WDR72: variants seen among roughly 807,000 people sequenced by gnomAD.
WDR72 encodes the protein WD repeat domain 72, also known as WD repeat-containing protein 72.
A neutral mutation model predicts 124.2 loss-of-function variants in WDR72; 120 were observed. The observed-to-expected ratio is 0.97, with a 90% CI of 0.83 to 1.12. WDR72 has a LOEUF of 1.12. WDR72 is among the 50% of genes most tolerant of loss of function. WDR72 has a pLI of 0.00. For synonymous variants in WDR72, 452 were observed against 441.7 expected (o/e 1.02, Z -0.29); for missense variants, 1,387 against 1,278.8 (o/e 1.08, Z -1.29).
intron 14 of WDR72, among the ~76,000 whole-genome samples, chr15:53,640,434 G>C (rs1478544043): frequency 6.6e-6 from 1 of 152,034 alleles, no homozygotes; most frequent in African/African-American, 2.4e-5. Context: ...TAGAATTTGG[G>C]GTAATTTGGA....
At chr15:53,607,758 T>C (rs1003687551) in intron 17 of WDR72, among the ~76,000 whole-genome samples, 1 of 152,040 alleles carries the variant, frequency 6.6e-6, no homozygotes, top group Non-Finnish European at 1.5e-5. Context: ...AAACTACCCA[T>C]CTGACAAGGG....
rs546210576 is a variant in WDR72, at chr15:53,538,915, A to T, written c.3149-15593T>A. Among the ~76,000 whole-genome samples the T allele has an allele frequency of 3.3e-5, 5 of 152,280 alleles. No homozygotes were observed. In the East Asian group the frequency reaches 9.7e-4, roughly 29 times the overall value. On this transcript the variant is annotated intron_variant, in intron 18 of 19. Coordinates refer to ENST00000360509, the MANE Select transcript of WDR72 (RefSeq NM_182758.4). The stretch of plus-strand genomic sequence containing the variant: ...TAGTGCCTTGCTTTTGGTCTTTACA[A>T]CACATACTCCATGAAACTCATTAAT...
intron 13 of WDR72, among the ~76,000 whole-genome samples, chr15:53,685,447 A>C (rs2016584565): frequency 7.3e-6 from 1 of 136,094 alleles, no homozygotes; most frequent in Non-Finnish European, 1.6e-5. Flanking sequence ...GATCAACTGG[A>C]AGAAAGGGTA....
At chr15:53,575,026 C>CAT (rs1041768951) in intron 18 of WDR72, among the ~76,000 whole-genome samples, 58 of 151,730 alleles carry the variant, frequency 3.8e-4, no homozygotes, top group Non-Finnish European at 6.0e-4. Flanking sequence ...CACACACACA[C>CAT]ACACACACAC....
chr15:53,728,448 T>C (rs1210478733), intron 2 of WDR72, among the ~76,000 whole-genome samples: 2 of 152,058 alleles, frequency 1.3e-5, no homozygotes, highest in Admixed American at 6.6e-5. Context: ...AAAAACACAA[T>C]CACAGAGTAG....
chr15:53,714,314 T>A, intron 6 of WDR72, 120 bp downstream of exon 6: 2 of 834,028 alleles, frequency 2.4e-6, no homozygotes, highest in Non-Finnish European at 4.0e-6. Flanking sequence ...GAAGTAGAAT[T>A]TATACACTTC....
chr15:53,604,242 A>C (rs1413019522), intron 17 of WDR72, among the ~76,000 whole-genome samples: 1 of 152,210 alleles, frequency 6.6e-6, no homozygotes, highest in Non-Finnish European at 1.5e-5. Context: ...AGGATTCCTT[A>C]CTTAATAAAT....
chr15:53,677,229 T>C (rs546119748), intron 13 of WDR72, among the ~76,000 whole-genome samples: 1 of 152,312 alleles, frequency 6.6e-6, no homozygotes, highest in African/African-American at 2.4e-5. Flanking sequence ...CAATTCTTGC[T>C]TCTTAAACAT....
intron 14 of WDR72, among the ~76,000 whole-genome samples, chr15:53,642,639 A>T (rs2014896648): frequency 6.6e-6 from 1 of 152,052 alleles, no homozygotes; most frequent in East Asian, 1.9e-4. Flanking sequence ...GATACATGAA[A>T]ACTGATACTG....
intron 14 of WDR72, among the ~76,000 whole-genome samples, chr15:53,630,391 C>T (rs1285734215): frequency 6.6e-6 from 1 of 152,100 alleles, no homozygotes; most frequent in Admixed American, 6.6e-5. Context: ...ATACTGAAAC[C>T]AGACAGAGAT....
intron 14 of WDR72, among the ~76,000 whole-genome samples, chr15:53,622,348 T>C (rs922830088): frequency 2.6e-5 from 4 of 151,964 alleles, no homozygotes; most frequent in Non-Finnish European, 5.9e-5. Flanking sequence ...GCAGCACTAG[T>C]CACAATAGCA....
At position 53,615,851 on chromosome 15, in the gene WDR72, T is replaced by A; in HGVS notation, c.2355A>T (p.Lys785Asn). 1 of 1,613,672 alleles carries A rather than the reference T, an allele frequency of 6.2e-7. No individual in the cohort carries two copies. Among genetic ancestry groups the A allele is most frequent in the African/African-American group, 1.3e-5 (1 of 75,012 alleles). The stretch of plus-strand genomic sequence containing the variant: ...TGTCTATTGTGAGACTGGCATCTAC[T>A]TTTCTTGATGGCTTAGGCTGCATTT... The part of the protein sequence containing the change: ...SKKMQPKPSR[K>N]VDASLTIDTA... The change falls in exon 15 of 20, where the codon AAA (lysine) becomes AAT (asparagine). Residue 785 changes from lysine (K) to asparagine (N), a missense_variant. Lys to Asn is a moderately conservative substitution (Grantham distance 94). Transcript: ENST00000360509.
chr15:53,758,114 A>T (rs76535877), intron 1 of WDR72, among the ~76,000 whole-genome samples: 47,171 of 151,560 alleles, frequency 0.31, 7,808 homozygotes, highest in East Asian at 0.46. Context: ...CAAGTCATCC[A>T]ACTCCCTCAG....
chr15:53,589,385 T>C (rs2012382484), intron 18 of WDR72, among the ~76,000 whole-genome samples: 1 of 151,910 alleles, frequency 6.6e-6, no homozygotes, highest in African/African-American at 2.4e-5. Context: ...TTTTACTAAT[T>C]AGGAATTGGC....
intron 8 of WDR72, 146 bp downstream of exon 8, chr15:53,711,190 C>T (rs1328639497): frequency 1.7e-6 from 2 of 1,188,326 alleles, no homozygotes; most frequent in Admixed American, 1.9e-5. Context: ...CTGAAGCCTA[C>T]CAAGCCCAGA....
chr15:53,658,296 A>T (rs555924831), intron 14 of WDR72, among the ~76,000 whole-genome samples: 1 of 152,298 alleles, frequency 6.6e-6, no homozygotes, highest in South Asian at 2.1e-4. Flanking sequence ...TATCTTGAAC[A>T]TAACAGCTCG....
chr15:53,631,841 T>A (rs1387523838), intron 14 of WDR72, among the ~76,000 whole-genome samples: 1 of 152,152 alleles, frequency 6.6e-6, no homozygotes, highest in Admixed American at 6.5e-5. Context: ...GCACTGAAGA[T>A]GTGACTTGGC....
chr15:53,665,949 T>C (rs512206), intron 13 of WDR72, among the ~76,000 whole-genome samples, 181 bp from the exon 14 acceptor site: 1 of 152,086 alleles, frequency 6.6e-6, no homozygotes, highest in Non-Finnish European at 1.5e-5. Flanking sequence ...GCTCATAAAG[T>C]CTGAACTTAT....
chr15:53,544,819 G>A (rs1252345747), intron 18 of WDR72, among the ~76,000 whole-genome samples: 1 of 151,838 alleles, frequency 6.6e-6, no homozygotes, highest in Admixed American at 6.6e-5. Context: ...CAAAGTCTCA[G>A]GATACAAAAT....
Sources: gnomAD v4.1 joint callset for allele counts (sites outside exome capture counted in the v4.1 genomes callset) on GRCh38, gnomAD v4.1.1 for gene constraint, MANE v1.5 for transcripts, NCBI Gene and HGNC (gene_info 2026-07-23, HGNC 2026-07-21) for gene names.